The following INPP5B variants were observed in gnomAD, a reference collection of about 807,000 sequenced individuals.
INPP5B encodes the protein type II inositol 1,4,5-trisphosphate 5-phosphatase.
In INPP5B, 90 loss-of-function variants were observed where a neutral mutation model predicts 118.5. That is an observed-to-expected ratio of 0.76 (90% CI 0.64 to 0.90). The LOEUF (loss-of-function observed/expected upper bound fraction) is 0.90. Among genes scored for constraint, INPP5B ranks in the 40% least tolerant of loss-of-function variants. The pLI, the probability that INPP5B is intolerant of heterozygous loss-of-function variation, is 0.00. For synonymous variants in INPP5B, 385 were observed against 418.9 expected (o/e 0.92, Z 0.99); for missense variants, 984 against 1,125.6 (o/e 0.87, Z 1.80).
chr1:37,887,792 C>A (rs1330711470), intron 10 of INPP5B, among the ~76,000 whole-genome samples: 4 of 151,868 alleles, frequency 2.6e-5, no homozygotes, highest in Admixed American at 2.0e-4. Context: ...AATTCTAGTT[C>A]TTTTCAATAT....
At chr1:37,940,580 G>T in intron 6 of INPP5B, 108 bp downstream of exon 6, 1 of 665,764 alleles carries the variant, frequency 1.5e-6, no homozygotes, top group Non-Finnish European at 2.7e-6. Flanking sequence ...GCTTCGAAAG[G>T]ACACAGAAAC....
intron 16 of INPP5B, among the ~76,000 whole-genome samples, 199 bp downstream of exon 16, chr1:37,877,989 A>G (rs1251784321): frequency 6.6e-6 from 1 of 152,228 alleles, no homozygotes; most frequent in Non-Finnish European, 1.5e-5. Flanking sequence ...GCAAAAGGGA[A>G]CTTCCATGTA....
At position 37,875,708 on chromosome 1, in the gene INPP5B, G is replaced by A. The variant is rs764047712; in HGVS notation, c.1686C>T (p.Val562=). ...VSSVFDIGVR[V]VNDELYRKTL... is the part of the protein sequence containing the mutation. Reference sequence around the variant, plus strand: ...TCTTCCGGTAAAGCTCGTCATTTACGACCCTCACCTGAAAGGGAAACATCA... The same window carrying A: ...TCTTCCGGTAAAGCTCGTCATTTACAACCCTCACCTGAAAGGGAAACATCA... The change falls in exon 17 of 24, where the codon GTC becomes GTT. Residue 562 remains valine (V), a synonymous_variant. Transcript: ENST00000373024. The A allele has an allele frequency of 1.2e-6, 2 of 1,612,860 alleles. No individual in the cohort carries two copies. Among genetic ancestry groups the A allele is most frequent in the East Asian group, 2.2e-5 (1 of 44,874 alleles).
intron 7 of INPP5B, among the ~76,000 whole-genome samples, chr1:37,913,264 A>C (rs1644760846): frequency 6.6e-6 from 1 of 152,158 alleles, no homozygotes; most frequent in South Asian, 2.1e-4. Flanking sequence ...CTCAAAAAAC[A>C]AAAACAAAAA....
At chr1:37,932,954 C>T (rs1645546291) in intron 6 of INPP5B, among the ~76,000 whole-genome samples, 1 of 152,168 alleles carries the variant, frequency 6.6e-6, no homozygotes, top group Non-Finnish European at 1.5e-5. Context: ...TGACTCAAAC[C>T]CTCTGACTCA....
At chr1:37,931,501 A>G in intron 7 of INPP5B, 3 of 1,534,556 alleles carry the variant, frequency 2.0e-6, no homozygotes, top group Non-Finnish European at 2.6e-6. Flanking sequence ...ACGCCTAAGA[A>G]GAACATCACA....
At position 37,880,134 on chromosome 1, in the gene INPP5B, A is replaced by G. The variant is rs1260315043; in HGVS notation, c.1492T>C (p.Phe498Leu). The G allele has an allele frequency of 6.2e-7, 1 of 1,612,280 alleles. No individual in the cohort carries two copies. Among genetic ancestry groups the G allele is most frequent in the Non-Finnish European group, 8.5e-7 (1 of 1,178,730 alleles). Residue 498 changes from phenylalanine (F) to leucine (L), a missense_variant, in exon 15 of 24, where the codon TTC (phenylalanine) becomes CTC (leucine). By Grantham distance (22) the Phe-to-Leu change is conservative. Around this residue, in one of 2 missense-constraint regions of INPP5B, gnomAD observed 634 missense variants for 791.0 expected, o/e 0.80. Transcript: ENST00000373024. Reference protein sequence around the residue: ...FEGFTEGELTFQPTYKYDTGS... With the variant: ...FEGFTEGELTLQPTYKYDTGS... Reference sequence around the variant, plus strand: ...GTATCATACTTGTAAGTAGGCTGGAATGTGAGCTCACCCTCTGTGAAGCCT... The same window carrying G: ...GTATCATACTTGTAAGTAGGCTGGAGTGTGAGCTCACCCTCTGTGAAGCCT...
chr1:37,882,715 G>A (rs928456490), intron 14 of INPP5B, 92 bp downstream of exon 14: 11 of 892,312 alleles, frequency 1.2e-5, no homozygotes, highest in Non-Finnish European at 2.0e-5. Context: ...CCAAGCCAAG[G>A]AGGAAGAGGC....
chr1:37,866,452 A>G lies in INPP5B; in HGVS notation c.2386+7T>C, dbSNP rs771697427. 6.9e-7 allele frequency: 1 copy of G among 1,439,588 alleles called. No individual in the cohort carries two copies. Among genetic ancestry groups the G allele is most frequent in the Non-Finnish European group, 9.8e-7 (1 of 1,022,874 alleles). The allele number at this position is 1,439,588 out of a possible 1,614,324, so 89.2% of individuals were successfully genotyped here. Reference sequence around the variant, plus strand: ...CACACACACAGAGCTGAATGTCTGAAGGATACAGAGGTTATCAATCATTCC... The same window carrying G: ...CACACACACAGAGCTGAATGTCTGAGGGATACAGAGGTTATCAATCATTCC... On this transcript the variant is annotated splice_region_variant and intron_variant, in intron 21 of 23. Coordinates refer to ENST00000373024, the MANE Select transcript of INPP5B (RefSeq NM_005540.3).
At chr1:37,875,501 C>T in intron 17 of INPP5B, 105 bp downstream of exon 17, 1 of 760,194 alleles carries the variant, frequency 1.3e-6, no homozygotes, top group Admixed American at 2.1e-5. Flanking sequence ...ATCTCCTGAC[C>T]TCATGACCTG....
rs908315853 is a variant in INPP5B at position 37,873,040 on chromosome 1, A to G, written c.2077T>C (p.Leu693=). The change falls in exon 19 of 24, where the codon TTG becomes CTG. Residue 693 remains leucine (L), a synonymous_variant. Transcript: ENST00000373024. The part of the protein sequence containing the change: ...LHLDRGKDYF[L]SVSGNYLPSC... Reference sequence around the variant, plus strand: ...GGCAGGTAGTTCCCAGACACAGACAAAAAGTAATCCTTTCCCCTGTCCAAG... The same window carrying G: ...GGCAGGTAGTTCCCAGACACAGACAGAAAGTAATCCTTTCCCCTGTCCAAG... The G allele has an allele frequency of 1.9e-6, 3 of 1,614,074 alleles. No homozygotes were observed. The highest frequency in any genetic ancestry group is 1.3e-5 in the African/African-American group (1 of 74,936).
At position 37,862,364 on chromosome 1, in the gene INPP5B, TTC is replaced by T; in HGVS notation, c.2691_2692del (p.Lys898GlufsTer43). On this transcript the variant is annotated frameshift_variant, in exon 24 of 24. Coordinates refer to ENST00000373024, the MANE Select transcript of INPP5B (RefSeq NM_005540.3). LOFTEE classifies it high-confidence loss of function. ...GTGAATAAATTCTTGAGCCTTCTTC[TTC>T]TCTGTCATATCAAGCTTTTGGTGAC... is the stretch of plus-strand genomic sequence containing the variant. The T allele has an allele frequency of 6.2e-7, 1 of 1,614,074 alleles. No homozygotes were observed. The highest frequency in any genetic ancestry group is 8.5e-7 in the Non-Finnish European group (1 of 1,179,928).
At chr1:37,946,818 G>A (rs538347214) in intron 1 of INPP5B, among the ~76,000 whole-genome samples, 172 bp downstream of exon 1, 9 of 152,218 alleles carry the variant, frequency 5.9e-5, no homozygotes, top group Non-Finnish European at 1.0e-4. Flanking sequence ...GAGACAGGAA[G>A]TGTCCCATTG....
In INPP5B at chr1:37,931,967, G is replaced by A. The variant is rs761112571; in HGVS notation, c.478C>T (p.Arg160Cys). Residue 160 changes from arginine (R) to cysteine (C), a missense_variant, in exon 7 of 24, where the codon CGC becomes TGC. Physicochemically the swap from Arg to Cys is radical, Grantham distance 180. Transcript: ENST00000373024. ...AELELEMPTP[R>C]GCNSALVTWP... is the part of the protein sequence containing the mutation. ...GTAACTAGGGCCGAGTTACAACCGCGCGGCGTTGGCATCTCCAGCTCCAGC... is the reference window on the plus strand; with the variant it reads ...GTAACTAGGGCCGAGTTACAACCGCACGGCGTTGGCATCTCCAGCTCCAGC... 5 of 1,613,846 alleles carry A rather than the reference G, an allele frequency of 3.1e-6. No individual in the cohort carries two copies. Among genetic ancestry groups the A allele is most frequent in the African/African-American group, 1.3e-5 (1 of 74,920 alleles).
In INPP5B at chr1:37,887,475, GA is replaced by G. The variant is rs768815559; in HGVS notation, c.900-11del. On this transcript the variant is annotated splice_polypyrimidine_tract_variant and intron_variant, in intron 10 of 23. Coordinates refer to ENST00000373024, the MANE Select transcript of INPP5B (RefSeq NM_005540.3). ...ATCAAGCTCCTGGAACCTATTTTGA[GA>G]AGCAACCAGTTAGATAGTAAAGAAA... 6.7e-7 allele frequency: 1 copy of G among 1,501,740 alleles called. No homozygotes were observed. The highest frequency in any genetic ancestry group is 9.2e-7 in the Non-Finnish European group (1 of 1,081,702). 93.0% of individuals were successfully genotyped at this position (1,501,740 alleles called of 1,614,324 possible).
chr1:37,938,270 A>AAAATAAATAAATAAAT (rs71057106), intron 6 of INPP5B, among the ~76,000 whole-genome samples: 2,089 of 118,804 alleles, frequency 0.018, 52 homozygotes, highest in African/African-American at 0.051. Context: ...CTCTGTCTCA[A>AAAATAAATAAATAAAT]AAATAAATAA....
At position 37,885,779 on chromosome 1, in the gene INPP5B, C is replaced by A. The variant is rs769375802; in HGVS notation, c.1178G>T (p.Ser393Ile). ...VAIRFQFHNT[S>I]ICVVNSHLAA... ...CAAGTGAGAATTCACAACGCAGATG[C>A]TGGTGTTGTGGAACTGGAACCTGAT... Residue 393 changes from serine to isoleucine, a missense_variant, in exon 13 of 24, where the codon AGC becomes ATC. Transcript: ENST00000373024. 6.2e-7 allele frequency: 1 copy of A among 1,614,130 alleles called. No homozygotes were observed. The highest frequency in any genetic ancestry group is 2.2e-5 in the East Asian group (1 of 44,876).
At chr1:37,879,621 G>A (rs1012913634) in intron 15 of INPP5B, among the ~76,000 whole-genome samples, 4 of 151,914 alleles carry the variant, frequency 2.6e-5, no homozygotes, top group African/African-American at 9.7e-5. Context: ...AGCTGGGCCT[G>A]GTGGCACATG....
intron 19 of INPP5B, 143 bp from the exon 20 acceptor site, chr1:37,868,757 G>A: frequency 1.5e-6 from 1 of 662,484 alleles, no homozygotes; most frequent in East Asian, 2.7e-5. Flanking sequence ...ATGAAATCAG[G>A]TGGTATGATC....
Sources: allele counts gnomAD v4.1 joint callset (sites outside exome capture counted in the v4.1 genomes callset), GRCh38; gene constraint gnomAD v4.1.1; regional missense constraint gnomAD v4.1.1; transcripts MANE v1.5; gene names NCBI Gene and HGNC (gene_info 2026-07-23, HGNC 2026-07-21).